The following CNTN4 variants were observed in gnomAD, a reference collection of about 807,000 sequenced individuals.
CNTN4 encodes contactin-4.
CNTN4 carries 77 observed loss-of-function variants against 122.5 expected under a neutral mutation model. The observed-to-expected ratio is 0.63, with a 90% CI of 0.52 to 0.76. The LOEUF (loss-of-function observed/expected upper bound fraction) is 0.76, where lower values mean the gene tolerates loss of function less well. CNTN4 is among the 30% of genes least tolerant of loss of function. CNTN4 has a pLI of 0.00. For missense variants in CNTN4, 1,256 were observed against 1,259.1 expected (o/e 1.00, Z 0.04); for synonymous variants, 512 against 447.0 (o/e 1.15, Z -1.83).
At chr3:2,485,853 T>C (rs1005132270) in intron 3 of CNTN4, among the ~76,000 whole-genome samples, 18 of 152,086 alleles carry the variant, frequency 1.2e-4, no homozygotes, top group Admixed American at 6.5e-5. Flanking sequence ...TCAAAACGGA[T>C]CGATCAGCTC....
At chr3:2,617,184 T>C (rs1576233774) in intron 4 of CNTN4, among the ~76,000 whole-genome samples, 1 of 152,190 alleles carries the variant, frequency 6.6e-6, no homozygotes, top group South Asian at 2.1e-4. Flanking sequence ...CAAAATAAAC[T>C]ATCATCAGAG....
chr3:2,169,132 A>G (rs2036328708), intron 2 of CNTN4, among the ~76,000 whole-genome samples: 1 of 152,200 alleles, frequency 6.6e-6, no homozygotes, highest in Admixed American at 6.5e-5. Context: ...GTACGAAGTA[A>G]CATTAAAAAT....
intron 3 of CNTN4, among the ~76,000 whole-genome samples, chr3:2,377,141 C>T (rs968983466): frequency 5.9e-5 from 8 of 136,346 alleles, no homozygotes; most frequent in East Asian, 4.3e-4. Flanking sequence ...GGCGATAGAG[C>T]GAGATTCCAT....
chr3:2,423,845 C>T (rs771030753), intron 3 of CNTN4, among the ~76,000 whole-genome samples: 8 of 149,082 alleles, frequency 5.4e-5, no homozygotes, highest in Admixed American at 2.7e-4. Context: ...AACATCGTTC[C>T]GGTCTATGGT....
Position 2,691,958 on chromosome 3 carries a change from G to A in CNTN4, c.56-44257G>A, listed in dbSNP as rs542882473. 8.5e-5 allele frequency among the ~76,000 whole-genome samples: 13 copies of A among 152,250 alleles called. No individual in the cohort carries two copies. In the South Asian group the frequency reaches 2.1e-3, roughly 24 times the overall value. ...AACTGGATACCTACCTGCTAGGGAC[G>A]GTGACATTTGTTCTTACTGCTTTGC... On this transcript the variant is annotated intron_variant, in intron 4 of 24. Coordinates refer to ENST00000418658, the MANE Select transcript of CNTN4 (RefSeq NM_175607.3).
At chr3:2,803,452 A>T (rs1390729867) in intron 6 of CNTN4, among the ~76,000 whole-genome samples, 3 of 152,216 alleles carry the variant, frequency 2.0e-5, no homozygotes, top group African/African-American at 7.2e-5. Context: ...TATGTGTAAG[A>T]CACAGGCTTT....
intron 12 of CNTN4, among the ~76,000 whole-genome samples, chr3:2,920,413 T>A (rs968344757): frequency 4.6e-5 from 7 of 151,388 alleles, no homozygotes; most frequent in Non-Finnish European, 1.0e-4. Flanking sequence ...AGTCTACATG[T>A]GTGATACATA....
At chr3:2,919,123 G>A (rs1404986867) in intron 12 of CNTN4, among the ~76,000 whole-genome samples, 1 of 151,326 alleles carries the variant, frequency 6.6e-6, no homozygotes, top group East Asian at 1.9e-4. Flanking sequence ...GCAGTAAGAT[G>A]ACTTGAAGTC....
At chr3:2,473,858 C>G (rs1182936667) in intron 3 of CNTN4, among the ~76,000 whole-genome samples, 2 of 151,872 alleles carry the variant, frequency 1.3e-5, no homozygotes, top group Non-Finnish European at 2.9e-5. Context: ...ACTAAAAATA[C>G]AAAATTAGCC....
At chr3:2,910,765 G>A (rs1380816433) in intron 12 of CNTN4, among the ~76,000 whole-genome samples, 1 of 152,124 alleles carries the variant, frequency 6.6e-6, no homozygotes, top group Non-Finnish European at 1.5e-5. Context: ...TGCATTTGGG[G>A]AGCCTAATCT....
Position 2,597,331 on chromosome 3 carries a change from T to C in CNTN4, c.55+25773T>C, listed in dbSNP as rs144479190. Among the ~76,000 whole-genome samples, 17 of 152,322 alleles carry C rather than the reference T, an allele frequency of 1.1e-4. No homozygotes were observed. The East Asian group carries it at 3.1e-3, about 28-fold the overall frequency. On this transcript the variant is annotated intron_variant, in intron 4 of 24. Transcript: ENST00000418658. ...GCAAAGGAAGGGGTAATGCCTCTTCTACTACCATTTGTAGTTTGTCCTCTA... is the reference window on the plus strand; with the variant it reads ...GCAAAGGAAGGGGTAATGCCTCTTCCACTACCATTTGTAGTTTGTCCTCTA...
chr3:2,581,167 T>G (rs928784618), intron 4 of CNTN4, among the ~76,000 whole-genome samples: 1 of 152,132 alleles, frequency 6.6e-6, no homozygotes, highest in Non-Finnish European at 1.5e-5. Context: ...TTGTCCTTGT[T>G]TTAACAAGGC....
intron 2 of CNTN4, among the ~76,000 whole-genome samples, chr3:2,108,160 CTTTTCTTTTTT>C (rs1375076722): frequency 3.7e-5 from 5 of 134,254 alleles, no homozygotes; most frequent in Non-Finnish European, 7.9e-5. Context: ...TTTCATGTGC[CTTTTCTTTTTT>C]TTTTTTTTTT....
rs146774977 is a variant in CNTN4, at chr3:2,385,508, A to C, written c.-89+46275A>C. Among the ~76,000 whole-genome samples, 1 of 152,240 alleles carries C rather than the reference A, an allele frequency of 6.6e-6. No individual in the cohort carries two copies. The highest frequency in any genetic ancestry group is 1.9e-4 in the East Asian group (1 of 5,154). ...CATACACAGGGTGACTTAAAATGAC[A>C]GAAGTTTATTCTCTCACACTTCTAG... On this transcript the variant is annotated intron_variant, in intron 3 of 24. Coordinates refer to ENST00000418658, the MANE Select transcript of CNTN4 (RefSeq NM_175607.3). This position sits in a 1 kb window ranked among gnomAD's most constrained non-coding sequence, Gnocchi z 4.0.
chr3:2,602,929 C>G (rs2081108471), intron 4 of CNTN4, among the ~76,000 whole-genome samples: 1 of 152,132 alleles, frequency 6.6e-6, no homozygotes, highest in Non-Finnish European at 1.5e-5. Context: ...TAGAGTATTT[C>G]CTATTGTATT....
At chr3:2,771,332 A>G (rs1173314535) in intron 6 of CNTN4, among the ~76,000 whole-genome samples, 1 of 152,226 alleles carries the variant, frequency 6.6e-6, no homozygotes, top group East Asian at 1.9e-4. Flanking sequence ...ATGTGAAGCC[A>G]GTGAAAATTG....
chr3:2,159,414 T>G (rs1195597658), intron 2 of CNTN4, among the ~76,000 whole-genome samples: 1 of 152,200 alleles, frequency 6.6e-6, no homozygotes, highest in Admixed American at 6.5e-5. Flanking sequence ...TATCGGGTTC[T>G]TTTTCAAGCT....
chr3:2,666,845 G>GT (rs1378829539), intron 4 of CNTN4, among the ~76,000 whole-genome samples: 2 of 149,916 alleles, frequency 1.3e-5, no homozygotes, highest in Admixed American at 6.7e-5. Context: ...ACGGTGTTTG[G>GT]TTTTTTGTCT....
intron 3 of CNTN4, among the ~76,000 whole-genome samples, chr3:2,432,071 C>G (rs2048094528): frequency 6.6e-6 from 1 of 152,166 alleles, no homozygotes; most frequent in Admixed American, 6.5e-5. Context: ...AAACAATGAG[C>G]CAGGTAATAT....
Sources: gnomAD v4.1 joint callset for allele counts (sites outside exome capture counted in the v4.1 genomes callset) on GRCh38, gnomAD v4.1.1 for gene constraint, Gnocchi (gnomAD v3.1) non-coding constraint, MANE v1.5 for transcripts, NCBI Gene and HGNC (gene_info 2026-07-23, HGNC 2026-07-21) for gene names.